The following SV2C variants were observed in gnomAD, a reference collection of about 807,000 sequenced individuals.
SV2C encodes solute carrier family 22 member B3.
In SV2C, 49 loss-of-function variants were observed where a neutral mutation model predicts 79.7. That is an observed-to-expected ratio of 0.61 (90% CI 0.49 to 0.78). The LOEUF is 0.78. Ranked by LOEUF, SV2C falls within the 30% of genes least tolerant of loss-of-function variation. The pLI is 0.00. For synonymous variants in SV2C, 334 were observed against 333.2 expected (o/e 1.00, Z -0.03); for missense variants, 833 against 912.9 (o/e 0.91, Z 1.13).
At chr5:76,033,388 A>G in the SV2C span, among the ~76,000 whole-genome samples, 5 of 152,192 alleles carry the variant, frequency 3.3e-5, no homozygotes, top group Admixed American at 6.6e-5. Flanking sequence ...TAGGTCTAAC[A>G]TTTAAGTCTT....
At chr5:76,077,701 C>A in the SV2C span, among the ~76,000 whole-genome samples, 4 of 152,304 alleles carry the variant, frequency 2.6e-5, no homozygotes, top group Admixed American at 1.3e-4. Context: ...GGGAGCTCTG[C>A]AGCTCCTTGG....
rs73115572 is a variant in SV2C, at chr5:76,258,244, T to G, written c.914-26918T>G. ...AGCTTGAATGCTTAGAAACAGTAAC[T>G]GCTGCCCGGCCCTTTGGATGTATTT... On this transcript the variant is annotated intron_variant, in intron 4 of 12. Coordinates refer to ENST00000502798, the MANE Select transcript of SV2C (RefSeq NM_014979.4). Among the ~76,000 whole-genome samples, 1,494 of 152,084 alleles carry G rather than the reference T, an allele frequency of 9.8e-3. 34 individuals are homozygous for G. The highest frequency in any genetic ancestry group is 0.034 in the African/African-American group (1,426 of 41,422).
chr5:75,964,770 G>A, the SV2C span, among the ~76,000 whole-genome samples: 8 of 152,248 alleles, frequency 5.3e-5, no homozygotes, highest in East Asian at 1.5e-3. Flanking sequence ...GTATTACTAT[G>A]AGTTTATTCC....
At chr5:76,207,565 A>G (rs944812614) in intron 3 of SV2C, among the ~76,000 whole-genome samples, 1 of 152,220 alleles carries the variant, frequency 6.6e-6, no homozygotes, top group African/African-American at 2.4e-5. Context: ...TAAGCATCAC[A>G]CATTTGTTTT....
intron 4 of SV2C, among the ~76,000 whole-genome samples, chr5:76,283,302 C>T (rs1334825057): frequency 2.0e-5 from 3 of 151,858 alleles, no homozygotes; most frequent in East Asian, 1.9e-4. Flanking sequence ...GGCGACAGAG[C>T]GAGACTCCAT....
the SV2C span, chr5:75,921,232 C>T: frequency 7.7e-7 from 1 of 1,306,530 alleles, no homozygotes; most frequent in Non-Finnish European, 1.1e-6. Flanking sequence ...CAGTGGGACA[C>T]TTCCCTTTGA....
At chr5:76,278,594 G>A (rs775109280) in intron 4 of SV2C, among the ~76,000 whole-genome samples, 16 of 152,268 alleles carry the variant, frequency 1.1e-4, no homozygotes, top group Admixed American at 7.8e-4. Flanking sequence ...TTTCTCATGC[G>A]TGGCTGGGCT....
rs1749029640 is a variant in SV2C, at chr5:76,326,971, C to T, written c.*1424C>T. On this transcript the variant is annotated 3_prime_UTR_variant, in exon 13 of 13. Transcript: ENST00000502798. ...ATGACCAGAAGCCAGGAATAAATCCCATATTTAAACAATATTCCTTTTTTA... is the reference window on the plus strand; with the variant it reads ...ATGACCAGAAGCCAGGAATAAATCCTATATTTAAACAATATTCCTTTTTTA... 1 of 152,202 alleles carries T rather than the reference C, an allele frequency of 6.6e-6. No individual in the cohort carries two copies. The highest frequency in any genetic ancestry group is 2.4e-5 in the African/African-American group (1 of 41,446). The allele number at this position is 152,202 out of a possible 1,614,324, so 9.4% of individuals were successfully genotyped here.
At chr5:76,340,945 T>TTTC (rs397933765) in intron 12 of SV2C, among the ~76,000 whole-genome samples, 1 of 149,514 alleles carries the variant, frequency 6.7e-6, no homozygotes, top group South Asian at 2.2e-4. Flanking sequence ...TTTTTTTTTT[T>TTTC]CCGAGATGGA....
chr5:76,070,743 C>G, the SV2C span, among the ~76,000 whole-genome samples: 1 of 152,224 alleles, frequency 6.6e-6, no homozygotes, highest in Non-Finnish European at 1.5e-5. Flanking sequence ...TCAAGGAAAT[C>G]TCTTCACTGA....
At chr5:76,228,757 TTTAA>T (rs1437374442) in intron 4 of SV2C, among the ~76,000 whole-genome samples, 1 of 151,752 alleles carries the variant, frequency 6.6e-6, no homozygotes, top group African/African-American at 2.4e-5. Flanking sequence ...AGGTATATTC[TTTAA>T]TTTTTACAAC....
chr5:76,206,794 A>G (rs1439678759), intron 3 of SV2C, among the ~76,000 whole-genome samples: 1 of 152,246 alleles, frequency 6.6e-6, no homozygotes, highest in Non-Finnish European at 1.5e-5. Flanking sequence ...TTTAAAGGAC[A>G]TCACAGTAGG....
the SV2C span, among the ~76,000 whole-genome samples, chr5:76,073,499 GTGTGTATATATATATATATATATATATA>G: frequency 1.1e-5 from 1 of 89,262 alleles, no homozygotes; most frequent in Non-Finnish European, 2.1e-5. Flanking sequence ...GTATGTATGT[GTGTGTATATATATATATATATATATATA>G]TATATATATA....
chr5:76,058,331 T>G, the SV2C span, among the ~76,000 whole-genome samples: 69 of 152,228 alleles, frequency 4.5e-4, no homozygotes, highest in African/African-American at 1.6e-3. Context: ...TACCCTGGAG[T>G]GCACCAAATT....
chr5:76,254,818 T>C (rs938354848), intron 4 of SV2C, among the ~76,000 whole-genome samples: 1 of 152,224 alleles, frequency 6.6e-6, no homozygotes, highest in Non-Finnish European at 1.5e-5. Flanking sequence ...CATGTATTAT[T>C]ATTGTAACCA....
chr5:75,852,909 T>C, the SV2C span, among the ~76,000 whole-genome samples: 1 of 151,636 alleles, frequency 6.6e-6, no homozygotes, highest in African/African-American at 2.4e-5. Flanking sequence ...AGTAGAAAGC[T>C]TGGATCTACA....
At chr5:76,299,082 C>T (rs1747887037) in intron 10 of SV2C, among the ~76,000 whole-genome samples, 155 bp downstream of exon 10, 1 of 152,162 alleles carries the variant, frequency 6.6e-6, no homozygotes, top group Non-Finnish European at 1.5e-5. Flanking sequence ...CAAAGGTTGG[C>T]TTGTATTGTT....
chr5:76,082,733 C>A (rs1339515873), upstream of SV2C, among the ~76,000 whole-genome samples: 1 of 150,132 alleles, frequency 6.7e-6, no homozygotes, highest in East Asian at 2.1e-4. Flanking sequence ...ATTGGGGAGA[C>A]AGTAGACTTA....
intron 12 of SV2C, among the ~76,000 whole-genome samples, chr5:76,324,724 C>T (rs1310517849): frequency 6.6e-6 from 1 of 151,988 alleles, no homozygotes; most frequent in Non-Finnish European, 1.5e-5. Flanking sequence ...TGGCAGTACA[C>T]ACTTGTAGTC....
Sources: gnomAD v4.1 joint callset for allele counts (sites outside exome capture counted in the v4.1 genomes callset) on GRCh38, gnomAD v4.1.1 for gene constraint, MANE v1.5 for transcripts, NCBI Gene and HGNC (gene_info 2026-07-23, HGNC 2026-07-21) for gene names.